Variants in TBC1D22A observed in about 807,000 individuals in gnomAD.
The protein encoded by TBC1D22A is TBC1 domain family member 22A, also known as putative GTPase activator.
A neutral mutation model predicts 60.2 loss-of-function variants in TBC1D22A; 38 were observed. That is an observed-to-expected ratio of 0.63 (90% CI 0.49 to 0.83). The LOEUF is 0.83. TBC1D22A is among the 40% of genes least tolerant of loss of function. The pLI, the probability that TBC1D22A is intolerant of heterozygous loss-of-function variation, is 0.00. For missense variants in TBC1D22A, 628 were observed against 701.0 expected, an observed-to-expected ratio of 0.90 and a Z score of 1.18; for synonymous variants, 302 against 281.7, an observed-to-expected ratio of 1.07 and a Z score of -0.72.
intron 11 of TBC1D22A, among the ~76,000 whole-genome samples, chr22:47,041,793 G>A (rs925351595): frequency 6.6e-6 from 1 of 152,238 alleles, no homozygotes; most frequent in African/African-American, 2.4e-5. Flanking sequence ...TTTCAGGCTT[G>A]TGGGCCATAT....
Position 46,879,869 on chromosome 22 carries a change from G to A in TBC1D22A, c.708+1146G>A, listed in dbSNP as rs1055878853. ...TTCTCCTCTAATTCTCAGCCTCTGC[G>A]GGTTGTGGTTCCGCTTCCCTAATGT... On this transcript the variant is annotated intron_variant, in intron 5 of 12. Coordinates refer to ENST00000337137, the MANE Select transcript of TBC1D22A (RefSeq NM_014346.5). Among the ~76,000 whole-genome samples, 4 of 31,206 alleles carry A rather than the reference G, an allele frequency of 1.3e-4. No individual in the cohort carries two copies. In the Admixed American group the frequency reaches 1.6e-3, roughly 12 times the overall value. 20.5% of individuals were successfully genotyped at this position (31,206 alleles called of 152,430 possible).
intron 10 of TBC1D22A, among the ~76,000 whole-genome samples, chr22:47,005,458 C>T (rs2061556157): frequency 6.6e-6 from 1 of 151,784 alleles, no homozygotes; most frequent in African/African-American, 2.4e-5. Flanking sequence ...CATGCCTATA[C>T]ACCCACCATA....
chr22:46,814,781 G>A (rs1408424784), intron 4 of TBC1D22A, among the ~76,000 whole-genome samples: 2 of 151,754 alleles, frequency 1.3e-5, no homozygotes, highest in Non-Finnish European at 2.9e-5. Flanking sequence ...GAGTAGCTGG[G>A]GTTACAGGCC....
At chr22:46,775,297 A>G (rs1039060573) in intron 1 of TBC1D22A, among the ~76,000 whole-genome samples, 8 of 152,334 alleles carry the variant, frequency 5.3e-5, no homozygotes, top group African/African-American at 1.2e-4. Context: ...GACTCCCTAC[A>G]TTATGCTGTT....
intron 9 of TBC1D22A, among the ~76,000 whole-genome samples, chr22:46,991,256 T>C (rs1402395689): frequency 2.6e-5 from 4 of 152,208 alleles, no homozygotes; most frequent in Non-Finnish European, 5.9e-5. Flanking sequence ...GTTTGTGCTC[T>C]GAGGGTGCTT....
intron 7 of TBC1D22A, among the ~76,000 whole-genome samples, chr22:46,903,863 C>T (rs1030874886): frequency 5.3e-5 from 8 of 152,130 alleles, no homozygotes; most frequent in African/African-American, 1.7e-4. Context: ...GGTAGGAACT[C>T]CCAGCAAACC....
intron 10 of TBC1D22A, among the ~76,000 whole-genome samples, chr22:47,018,401 G>A (rs1217815176): frequency 6.6e-6 from 1 of 152,230 alleles, no homozygotes; most frequent in African/African-American, 2.4e-5. Flanking sequence ...GAAGAGTACA[G>A]GTGCCCCCAT....
intron 4 of TBC1D22A, among the ~76,000 whole-genome samples, chr22:46,855,903 C>T (rs2087544905): frequency 6.6e-6 from 1 of 152,178 alleles, no homozygotes; most frequent in Non-Finnish European, 1.5e-5. Context: ...ATTAATTGAG[C>T]TTATCATGGA....
chr22:47,056,783 A>G (rs536529408), intron 11 of TBC1D22A, among the ~76,000 whole-genome samples: 2 of 152,148 alleles, frequency 1.3e-5, no homozygotes, highest in African/African-American at 2.4e-5. Context: ...TCTGGGGTGG[A>G]TACAGCTCGC....
intron 12 of TBC1D22A, among the ~76,000 whole-genome samples, chr22:47,151,098 G>A (rs2067483348): frequency 6.6e-6 from 1 of 152,164 alleles, no homozygotes; most frequent in Non-Finnish European, 1.5e-5. Context: ...TGCGTGGGGA[G>A]CAACCCGCTC....
At position 47,090,480 on chromosome 22, in the gene TBC1D22A, C is replaced by T. The variant is rs78380273; in HGVS notation, c.1330-21028C>T. Among the ~76,000 whole-genome samples the T allele has an allele frequency of 3.7e-4, 57 of 152,348 alleles. No individual in the cohort carries two copies. The South Asian group carries it at 4.4e-3, about 12-fold the overall frequency. ...AAATCCCAGTCAGTGCTGTCAGAAA[C>T]GCAACATGCATGCCCTTTACTGTCC... is the stretch of plus-strand genomic sequence containing the variant. On this transcript the variant is annotated intron_variant, in intron 11 of 12. Coordinates refer to ENST00000337137, the MANE Select transcript of TBC1D22A (RefSeq NM_014346.5).
chr22:46,966,630 T>C (rs1397188891), intron 8 of TBC1D22A, among the ~76,000 whole-genome samples: 2 of 152,236 alleles, frequency 1.3e-5, no homozygotes, highest in Non-Finnish European at 2.9e-5. Flanking sequence ...TTTGCAAAAG[T>C]GACCTCATCA....
intron 11 of TBC1D22A, among the ~76,000 whole-genome samples, chr22:47,060,238 C>CTTTTTTTTTTTTTTTTT (rs3884803): frequency 2.7e-5 from 3 of 111,650 alleles, no homozygotes; most frequent in African/African-American, 1.1e-4. Flanking sequence ...GGGTTTCTGA[C>CTTTTTTTTTTTTTTTTT]TTTTTTTTTT....
At chr22:47,024,117 G>A (rs1487515128) in intron 10 of TBC1D22A, among the ~76,000 whole-genome samples, 1 of 152,204 alleles carries the variant, frequency 6.6e-6, no homozygotes, top group East Asian at 1.9e-4. Flanking sequence ...ACGCTGTGCT[G>A]CCTGTGAAGC....
At position 47,161,215 on chromosome 22, in the gene TBC1D22A, G is replaced by GA. The variant is rs965713010; in HGVS notation, c.1426-12273dup. On this transcript the variant is annotated intron_variant, in intron 12 of 12. Coordinates refer to ENST00000337137, the MANE Select transcript of TBC1D22A (RefSeq NM_014346.5). ...TCATGTTTTCAATACATGCCCTTGTGAAAAAAAAAATGGAAAACAGAAATT... is the reference window on the plus strand; with the variant it reads ...TCATGTTTTCAATACATGCCCTTGTGAAAAAAAAAAATGGAAAACAGAAATT... Among the ~76,000 whole-genome samples the GA allele has an allele frequency of 1.6e-3, 244 of 149,218 alleles. No individual in the cohort carries two copies. In the Middle Eastern group the frequency reaches 0.017, roughly 10 times the overall value.
At chr22:46,766,330 C>T (rs1016472920) in intron 1 of TBC1D22A, among the ~76,000 whole-genome samples, 2 of 151,746 alleles carry the variant, frequency 1.3e-5, no homozygotes, top group Non-Finnish European at 2.9e-5. Flanking sequence ...GGGGTTTCAC[C>T]ATGTTGGCCA....
intron 8 of TBC1D22A, chr22:46,913,308 C>T (rs2070092992): frequency 7.3e-7 from 1 of 1,363,302 alleles, no homozygotes; most frequent in Non-Finnish European, 9.8e-7. Context: ...TGGTGCTCGC[C>T]TGTTGTTATT....
intron 10 of TBC1D22A, among the ~76,000 whole-genome samples, chr22:47,018,634 G>A (rs2061980381): frequency 6.6e-6 from 1 of 152,146 alleles, no homozygotes; most frequent in South Asian, 2.1e-4. Context: ...TGAGCACCAT[G>A]AGGCATTAAG....
chr22:47,064,125 C>T (rs1282860189), intron 11 of TBC1D22A, among the ~76,000 whole-genome samples: 1 of 152,258 alleles, frequency 6.6e-6, no homozygotes, highest in African/African-American at 2.4e-5. Flanking sequence ...TTGAGGGACA[C>T]GGATCCACTC....
Sources: allele counts gnomAD v4.1 joint callset (sites outside exome capture counted in the v4.1 genomes callset), GRCh38; gene constraint gnomAD v4.1.1; transcripts MANE v1.5; gene names NCBI Gene and HGNC (gene_info 2026-07-23, HGNC 2026-07-21).